Variants in LAMP3 observed in about 807,000 individuals in gnomAD.
The protein encoded by LAMP3 is lysosome-associated membrane glycoprotein 3.
In LAMP3, 26 loss-of-function variants were observed where a neutral mutation model predicts 34.8. The ratio of observed to expected loss-of-function variants is 0.75; its 90% confidence interval spans 0.55 to 1.04. The LOEUF is 1.04. Ranked by LOEUF, LAMP3 falls within the 50% of genes least tolerant of loss-of-function variation. LAMP3 has a pLI of 0.00. For synonymous variants in LAMP3, 180 were observed against 201.9 expected (o/e 0.89, Z 0.92); for missense variants, 495 against 524.0 (o/e 0.94, Z 0.54).
At chr3:183,135,960 C>G in intron 4 of LAMP3, 73 bp from the exon 5 acceptor site, 1 of 1,182,374 alleles carries the variant, frequency 8.5e-7, no homozygotes, top group Non-Finnish European at 1.3e-6. Flanking sequence ...GCCGGGCTGC[C>G]TGTGCACAGC....
At chr3:183,124,742 G>A (rs1719743931) in intron 5 of LAMP3, among the ~76,000 whole-genome samples, 1 of 152,196 alleles carries the variant, frequency 6.6e-6, no homozygotes, top group Admixed American at 6.5e-5. Flanking sequence ...TGAGGCAGGA[G>A]AATTGCTTGA....
At chr3:183,131,721 T>C (rs3772714) in intron 5 of LAMP3, among the ~76,000 whole-genome samples, 20,700 of 152,040 alleles carry the variant, frequency 0.14, 1,479 homozygotes, top group African/African-American at 0.17. Context: ...ATTTCATAAA[T>C]GTCATGTTAA....
At chr3:183,147,726 T>A (rs1007069006) in intron 3 of LAMP3, among the ~76,000 whole-genome samples, 2 of 152,116 alleles carry the variant, frequency 1.3e-5, no homozygotes, top group African/African-American at 4.8e-5. Context: ...TTGATTGATG[T>A]CTTTTAGAAA....
chr3:183,145,259 C>G (rs901844325), intron 3 of LAMP3, among the ~76,000 whole-genome samples: 1 of 152,208 alleles, frequency 6.6e-6, no homozygotes, highest in African/African-American at 2.4e-5. Context: ...GTTTTCAGTT[C>G]TTTAAAAAAT....
At chr3:183,134,207 G>A (rs1274538071) in intron 5 of LAMP3, among the ~76,000 whole-genome samples, 1 of 152,166 alleles carries the variant, frequency 6.6e-6, no homozygotes, top group African/African-American at 2.4e-5. Flanking sequence ...TTTTGGAAGT[G>A]GAATTGTTAG....
chr3:183,129,015 T>A lies in LAMP3; in HGVS notation c.1118-4801A>T, dbSNP rs571067601. Among the ~76,000 whole-genome samples the A allele has an allele frequency of 3.3e-5, 5 of 152,274 alleles. No homozygotes were observed. The South Asian group carries it at 1.0e-3, about 32-fold the overall frequency. On this transcript the variant is annotated intron_variant, in intron 5 of 5. Transcript: ENST00000265598. ...TATCTGCCTGGCGACAGAGCAAGACTCTGTCTCAAAACAAACAAACAAACA... is the reference window on the plus strand; with the variant it reads ...TATCTGCCTGGCGACAGAGCAAGACACTGTCTCAAAACAAACAAACAAACA...
intron 4 of LAMP3, among the ~76,000 whole-genome samples, chr3:183,136,255 T>G (rs1720085079): frequency 6.6e-6 from 1 of 152,158 alleles, no homozygotes; most frequent in Non-Finnish European, 1.5e-5. Flanking sequence ...AAGATTGCTT[T>G]CTGAGACTTA....
At chr3:183,140,943 A>T (rs1016679210) in intron 3 of LAMP3, among the ~76,000 whole-genome samples, 2 of 152,168 alleles carry the variant, frequency 1.3e-5, no homozygotes, top group Non-Finnish European at 2.9e-5. Flanking sequence ...GCAGGAGCAT[A>T]TATTAAGTGT....
intron 5 of LAMP3, among the ~76,000 whole-genome samples, chr3:183,124,591 G>C (rs1719740388): frequency 6.6e-6 from 1 of 152,208 alleles, no homozygotes; most frequent in Non-Finnish European, 1.5e-5. Flanking sequence ...CCAGCACTTT[G>C]GGAGGCCGAG....
intron 5 of LAMP3, among the ~76,000 whole-genome samples, chr3:183,127,084 T>C (rs1719797227): frequency 1.3e-5 from 2 of 152,240 alleles, no homozygotes; most frequent in Admixed American, 1.3e-4. Context: ...ATTGATACTG[T>C]TTTGAAAGAG....
chr3:183,135,587 T>C (rs1720057826), intron 5 of LAMP3, 130 bp downstream of exon 5: 2 of 878,426 alleles, frequency 2.3e-6, no homozygotes, highest in East Asian at 2.5e-5. Context: ...CTGTGAGCTA[T>C]GTGGAATCAC....
intron 1 of LAMP3, 52 bp from the exon 2 acceptor site, chr3:183,154,443 G>A (rs570382496): frequency 5.1e-6 from 7 of 1,367,632 alleles, no homozygotes; most frequent in South Asian, 4.1e-5. Flanking sequence ...TGCTTACAAG[G>A]TTCCCTCTCC....
At chr3:183,140,673 A>G (rs831256) in intron 3 of LAMP3, 78 bp from the exon 4 acceptor site, 627,289 of 965,244 alleles carry the variant, frequency 0.65, 208,225 homozygotes, top group Non-Finnish European at 0.69. Context: ...ACTTTGTTTA[A>G]GATTCCAGCT....
rs1268047545 is a variant in LAMP3 at position 183,159,918 on chromosome 3, C to T, written c.49+2689G>A. On this transcript the variant is annotated intron_variant, in intron 1 of 5. Transcript: ENST00000265598. The stretch of plus-strand genomic sequence containing the variant: ...GCCCTTCTGTTTTTCCTCCTTTGAC[C>T]AACCTGCAACTTGTATGTGATGGCT... Among the ~76,000 whole-genome samples, 4 of 152,120 alleles carry T rather than the reference C, an allele frequency of 2.6e-5. No individual in the cohort carries two copies. In the East Asian group the frequency reaches 5.8e-4, roughly 22 times the overall value.
At chr3:183,162,783 C>G, upstream of LAMP3, 1 of 852,038 alleles carries the variant, frequency 1.2e-6, no homozygotes, top group South Asian at 1.9e-5. Context: ...GAAAAGCCCG[C>G]CCAGGGCCGC....
intron 4 of LAMP3, 38 bp downstream of exon 4, chr3:183,140,500 G>A (rs757337245): frequency 4.8e-6 from 6 of 1,259,676 alleles, no homozygotes; most frequent in African/African-American, 3.0e-5. Flanking sequence ...CAGAAACAGC[G>A]TCATGGCTGG....
In LAMP3 at chr3:183,123,391, T is replaced by A. The variant is rs557852609; in HGVS notation, c.*690A>T. The A allele has an allele frequency of 2.0e-4, 30 of 152,380 alleles. No homozygotes were observed. The highest frequency in any genetic ancestry group is 2.0e-3 in the Admixed American group (30 of 15,296). 9.4% of individuals were successfully genotyped at this position (152,380 alleles called of 1,614,324 possible). On this transcript the variant is annotated 3_prime_UTR_variant, in exon 6 of 6. Coordinates refer to ENST00000265598, the MANE Select transcript of LAMP3 (RefSeq NM_014398.4). ...CTGGCCAACATGGTGAAACCCCGTC[T>A]ATAATAAAAATACAAAAATTAGCCA...
At chr3:183,147,544 T>A (rs1560311445) in intron 3 of LAMP3, among the ~76,000 whole-genome samples, 1 of 152,168 alleles carries the variant, frequency 6.6e-6, no homozygotes, top group African/African-American at 2.4e-5. Flanking sequence ...TAATTTTTGA[T>A]GAAGACATAT....
At chr3:183,153,339 A>C (rs1244773696) in intron 2 of LAMP3, among the ~76,000 whole-genome samples, 1 of 152,104 alleles carries the variant, frequency 6.6e-6, no homozygotes, top group Non-Finnish European at 1.5e-5. Context: ...CTCTCATTTC[A>C]CGGGAAAGGA....
Sources: gnomAD v4.1 joint callset for allele counts (sites outside exome capture counted in the v4.1 genomes callset) on GRCh38, gnomAD v4.1.1 for gene constraint, MANE v1.5 for transcripts, NCBI Gene and HGNC (gene_info 2026-07-23, HGNC 2026-07-21) for gene names.